Variants in UST observed in about 807,000 individuals in gnomAD.
UST encodes uronyl 2-sulfotransferase, also known as chondroitin sulfate 2-O-sulfotransferase.
UST carries 21 observed loss-of-function variants against 45.6 expected under a neutral mutation model. The observed-to-expected ratio is 0.46, with a 90% confidence interval of 0.33 to 0.66. UST has a LOEUF of 0.66. Ranked by LOEUF, UST falls within the 30% of genes least tolerant of loss-of-function variation. The pLI, the probability that UST is intolerant of heterozygous loss-of-function variation, is 0.02. For synonymous variants in UST, 215 were observed against 200.6 expected, an observed-to-expected ratio of 1.07 and a Z score of -0.61; for missense variants, 463 against 512.4, an observed-to-expected ratio of 0.90 and a Z score of 0.93.
At chr6:148,938,267 G>C (rs571269276) in intron 2 of UST, among the ~76,000 whole-genome samples, 1 of 152,098 alleles carries the variant, frequency 6.6e-6, no homozygotes, top group African/African-American at 2.4e-5. Context: ...GGCTCTTTAT[G>C]TACAAAGCAC....
intron 1 of UST, among the ~76,000 whole-genome samples, chr6:148,854,309 A>G (rs902511089): frequency 1.3e-5 from 2 of 152,216 alleles, no homozygotes; most frequent in Non-Finnish European, 2.9e-5. Flanking sequence ...TGTGGACATG[A>G]TTCTGAATGT....
chr6:148,984,685 C>T lies in UST; in HGVS notation c.681+20122C>T, dbSNP rs76972017. ...AAGTAGCTCGGGCTATAGGTGTGCACTACCCTAGCGAATGGGGCCTTGCTG... is the reference window on the plus strand; with the variant it reads ...AAGTAGCTCGGGCTATAGGTGTGCATTACCCTAGCGAATGGGGCCTTGCTG... On this transcript the variant is annotated intron_variant, in intron 5 of 7. Coordinates refer to ENST00000367463, the MANE Select transcript of UST (RefSeq NM_005715.3). Among the ~76,000 whole-genome samples the T allele has an allele frequency of 7.2e-3, 1,098 of 152,298 alleles. 8 individuals carry two copies. The highest frequency in any genetic ancestry group is 0.024 in the African/African-American group (986 of 41,574).
At chr6:148,909,313 G>A (rs1259924920) in intron 2 of UST, among the ~76,000 whole-genome samples, 1 of 152,170 alleles carries the variant, frequency 6.6e-6, no homozygotes, top group Non-Finnish European at 1.5e-5. Flanking sequence ...CTTTGGTCCT[G>A]AGCAATCTGA....
chr6:148,829,927 G>A (rs956122681), intron 1 of UST, among the ~76,000 whole-genome samples: 1 of 152,138 alleles, frequency 6.6e-6, no homozygotes, highest in Non-Finnish European at 1.5e-5. Flanking sequence ...AGAACATCCT[G>A]GGGTTAGTAG....
intron 1 of UST, among the ~76,000 whole-genome samples, chr6:148,788,007 T>G (rs182760389): frequency 6.6e-6 from 1 of 152,318 alleles, no homozygotes; most frequent in East Asian, 1.9e-4. Context: ...CTGATAAAGA[T>G]GTACCCGAGA....
At chr6:148,932,595 G>T (rs1176682133) in intron 2 of UST, among the ~76,000 whole-genome samples, 1 of 152,168 alleles carries the variant, frequency 6.6e-6, no homozygotes, top group Non-Finnish European at 1.5e-5. Context: ...GCATTCACCA[G>T]TGTCACCTGA....
At chr6:149,046,570 CT>C (rs749155333) in intron 7 of UST, among the ~76,000 whole-genome samples, 15 of 152,234 alleles carry the variant, frequency 9.9e-5, no homozygotes, top group African/African-American at 1.4e-4. Context: ...TTCTTACCAG[CT>C]GTTTAACTGT....
intron 7 of UST, among the ~76,000 whole-genome samples, chr6:149,067,893 A>G (rs1776765285): frequency 2.6e-5 from 4 of 152,162 alleles, no homozygotes; most frequent in Admixed American, 2.6e-4. Context: ...TTCCTACTGG[A>G]AACACAAAAT....
intron 1 of UST, among the ~76,000 whole-genome samples, chr6:148,839,336 A>G (rs1777848311): frequency 1.3e-5 from 2 of 152,144 alleles, no homozygotes; most frequent in South Asian, 4.1e-4. Flanking sequence ...CTTTGAAACC[A>G]CCAGTTCACT....
chr6:148,797,297 CCAAA>C, intron 1 of UST, among the ~76,000 whole-genome samples: 1 of 152,162 alleles, frequency 6.6e-6, no homozygotes, highest in East Asian at 1.9e-4. Flanking sequence ...CGAACAAAAA[CCAAA>C]CAAACAAGCA....
chr6:148,994,164 G>A (rs1351725675), intron 5 of UST, among the ~76,000 whole-genome samples: 1 of 151,696 alleles, frequency 6.6e-6, no homozygotes, highest in Non-Finnish European at 1.5e-5. Context: ...TAGAGACAAG[G>A]TTTTGCCATG....
chr6:148,757,046 A>G (rs1488996865), intron 1 of UST, among the ~76,000 whole-genome samples: 1 of 152,214 alleles, frequency 6.6e-6, no homozygotes, highest in African/African-American at 2.4e-5. Context: ...TGCCCATTCT[A>G]GAGTGTAGTG....
chr6:148,881,755 C>T (rs13208529), intron 1 of UST, among the ~76,000 whole-genome samples: 5,638 of 152,286 alleles, frequency 0.037, 122 homozygotes, highest in Middle Eastern at 0.11. Flanking sequence ...CCAGAAGCTC[C>T]TTTGATGCCT....
chr6:148,954,011 A>G, intron 4 of UST, 60 bp downstream of exon 4: 1 of 1,375,096 alleles, frequency 7.3e-7, no homozygotes, highest in Non-Finnish European at 1.0e-6. Context: ...GTTACTTTAG[A>G]AATCTACCTT....
chr6:148,827,143 G>A (rs1363563392), intron 1 of UST, among the ~76,000 whole-genome samples: 2 of 152,198 alleles, frequency 1.3e-5, no homozygotes, highest in Admixed American at 6.5e-5. Flanking sequence ...TGTGGTTTAT[G>A]TATGACATAA....
At chr6:149,054,055 C>T (rs1776528516) in intron 7 of UST, among the ~76,000 whole-genome samples, 1 of 152,184 alleles carries the variant, frequency 6.6e-6, no homozygotes, top group Non-Finnish European at 1.5e-5. Context: ...ACCCTATTCT[C>T]ACCCCATCCC....
At chr6:148,902,590 G>T (rs1779282712) in intron 2 of UST, among the ~76,000 whole-genome samples, 1 of 151,852 alleles carries the variant, frequency 6.6e-6, no homozygotes, top group Non-Finnish European at 1.5e-5. Flanking sequence ...TGTTGCCCAG[G>T]TTGGTCTTGA....
At chr6:148,995,075 AG>A (rs1781426365) in intron 5 of UST, among the ~76,000 whole-genome samples, 1 of 152,090 alleles carries the variant, frequency 6.6e-6, no homozygotes, top group Non-Finnish European at 1.5e-5. Context: ...CACAAGCTGG[AG>A]TGCAGTGGGG....
chr6:148,968,827 A>C (rs1264792131), intron 5 of UST, among the ~76,000 whole-genome samples: 2 of 152,202 alleles, frequency 1.3e-5, no homozygotes, highest in African/African-American at 4.8e-5. Flanking sequence ...CATTATTGCC[A>C]CTTCACTAGG....
Sources: allele counts gnomAD v4.1 joint callset (sites outside exome capture counted in the v4.1 genomes callset), GRCh38; gene constraint gnomAD v4.1.1; transcripts MANE v1.5; gene names NCBI Gene and HGNC (gene_info 2026-07-23, HGNC 2026-07-21).